The following EXTL3 variants were observed in gnomAD, a reference collection of about 807,000 sequenced individuals.
EXTL3 encodes the protein exostosin like glycosyltransferase 3.
A neutral mutation model predicts 69.3 loss-of-function variants in EXTL3; 27 were observed. The ratio of observed to expected loss-of-function variants is 0.39; its 90% CI spans 0.29 to 0.54. The LOEUF (loss-of-function observed/expected upper bound fraction) is 0.54. Among genes scored for constraint, EXTL3 ranks in the 20% least tolerant of loss-of-function variants. EXTL3 has a pLI of 0.69. For synonymous variants in EXTL3, 511 were observed against 499.4 expected, an observed-to-expected ratio of 1.02 and a Z score of -0.31; for missense variants, 1,003 against 1,231.8, an observed-to-expected ratio of 0.81 and a Z score of 2.78.
chr8:28,695,961 AG>A (rs1800679006), intron 1 of EXTL3, among the ~76,000 whole-genome samples: 1 of 152,146 alleles, frequency 6.6e-6, no homozygotes, highest in Admixed American at 6.6e-5. Context: ...TTTGTCACTC[AG>A]GCTGGAGTGC....
chr8:28,654,958 A>G (rs2130610014), intron 1 of EXTL3, among the ~76,000 whole-genome samples: 1 of 152,328 alleles, frequency 6.6e-6, no homozygotes, highest in South Asian at 2.1e-4. Context: ...ATGGTGGCAG[A>G]CCTTTGTTTG....
chr8:28,711,940 A>C (rs1801038475), intron 1 of EXTL3, among the ~76,000 whole-genome samples: 1 of 152,208 alleles, frequency 6.6e-6, no homozygotes, highest in Non-Finnish European at 1.5e-5. Context: ...GAGTGTTTAC[A>C]GTGTGCTGGA....
chr8:28,727,629 G>A (rs1174109329), intron 3 of EXTL3, among the ~76,000 whole-genome samples: 1 of 152,194 alleles, frequency 6.6e-6, no homozygotes, highest in Non-Finnish European at 1.5e-5. Flanking sequence ...TGCAAACAGT[G>A]TGGTGCTATG....
At chr8:28,610,935 G>A (rs1026628204) in intron 2 of EXTL3, among the ~76,000 whole-genome samples, 1 of 152,008 alleles carries the variant, frequency 6.6e-6, no homozygotes, top group African/African-American at 2.4e-5. Flanking sequence ...TAAAGATGGG[G>A]TTTCACCATG....
At position 28,718,525 on chromosome 8, in the gene EXTL3, T is replaced by C. The variant is rs116498613; in HGVS notation, c.2148+318T>C. On this transcript the variant is annotated intron_variant, in intron 3 of 6. Coordinates refer to ENST00000220562, the MANE Select transcript of EXTL3 (RefSeq NM_001440.4). The stretch of plus-strand genomic sequence containing the variant: ...CATAACAAGATGATGATGATAATGA[T>C]AAGCTACCATTTAGGAAGCACTTAG... Among the ~76,000 whole-genome samples, 900 of 152,334 alleles carry C rather than the reference T, an allele frequency of 5.9e-3. 12 individuals are homozygous for C. Among genetic ancestry groups the C allele is most frequent in the African/African-American group, 0.02 (836 of 41,580 alleles).
intron 1 of EXTL3, among the ~76,000 whole-genome samples, chr8:28,668,400 C>T (rs372999028): frequency 1.8e-4 from 24 of 131,190 alleles, no homozygotes; most frequent in East Asian, 1.2e-3. Flanking sequence ...GGTGCAATCT[C>T]GGCTCACTGC....
Position 28,623,016 on chromosome 8 carries a change from G to C in EXTL3, c.-53+206G>C, listed in dbSNP as rs1806438586. ...GCCGGACGTGGGGCGCCTGCTCTGG[G>C]CGTCTGGGGCGGGCGATTGCAAGCT... On this transcript the variant is annotated intron_variant, in intron 1 of 6. Transcript: ENST00000523149. The surrounding 1 kb of genome is among the most constrained non-coding windows in gnomAD (Gnocchi z 4.2). 6.6e-6 allele frequency among the ~76,000 whole-genome samples: 1 copy of C among 152,188 alleles called. No homozygotes were observed. The highest frequency in any genetic ancestry group is 1.5e-5 in the Non-Finnish European group (1 of 67,974).
intron 1 of EXTL3, among the ~76,000 whole-genome samples, chr8:28,656,591 A>G (rs1176813643): frequency 6.6e-6 from 1 of 152,156 alleles, no homozygotes; most frequent in Admixed American, 6.5e-5. Flanking sequence ...GCTGTTCCCA[A>G]CCTTGGGATT....
At chr8:28,673,437 G>A (rs890999028) in intron 1 of EXTL3, among the ~76,000 whole-genome samples, 1 of 152,206 alleles carries the variant, frequency 6.6e-6, no homozygotes, top group Admixed American at 6.5e-5. Context: ...GGCAGAGGAA[G>A]AAGGAGTTTG....
chr8:28,636,085 C>T (rs1289849097), intron 1 of EXTL3, among the ~76,000 whole-genome samples: 1 of 151,970 alleles, frequency 6.6e-6, no homozygotes, highest in African/African-American at 2.4e-5. Context: ...AATCCTCACA[C>T]TTTGGGAGGC....
At chr8:28,631,561 T>G (rs1563429874) in intron 1 of EXTL3, 1 of 152,206 alleles carries the variant, frequency 6.6e-6, no homozygotes, top group Non-Finnish European at 1.5e-5. Flanking sequence ...GTAAGTCCTG[T>G]GCTAATCCTG....
At chr8:28,691,529 G>C (rs1800611917) in intron 1 of EXTL3, among the ~76,000 whole-genome samples, 1 of 150,132 alleles carries the variant, frequency 6.7e-6, no homozygotes, top group African/African-American at 2.5e-5. Context: ...CTCATGAGCT[G>C]GAAGGAAGCC....
chr8:28,622,841 G>A (rs1335327946), intron 1 of EXTL3: 1 of 152,224 alleles, frequency 6.6e-6, no homozygotes, highest in Non-Finnish European at 1.5e-5. Context: ...TCCCTTTCGG[G>A]GGTGGGAAGT....
chr8:28,613,492 T>C (rs1806295986), intron 2 of EXTL3, among the ~76,000 whole-genome samples: 1 of 152,158 alleles, frequency 6.6e-6, no homozygotes, highest in African/African-American at 2.4e-5. Flanking sequence ...CTATGCTATC[T>C]TTTATAGAAT....
chr8:28,647,979 C>CG (rs1264849722), intron 1 of EXTL3, among the ~76,000 whole-genome samples: 3 of 150,378 alleles, frequency 2.0e-5, no homozygotes, highest in African/African-American at 7.4e-5. Context: ...GGGTGGGAGA[C>CG]GATCAGTGGA....
chr8:28,682,503 T>A (rs1684727863), intron 1 of EXTL3, among the ~76,000 whole-genome samples: 1 of 152,130 alleles, frequency 6.6e-6, no homozygotes, highest in South Asian at 2.1e-4. Flanking sequence ...AGTGCAATTG[T>A]GCGATCTCGG....
Position 28,641,066 on chromosome 8 carries a change from C to T in EXTL3, c.-53+18256C>T, listed in dbSNP as rs375528621. ...GGAAAATCACTCCCAGGTCTGTAGA[C>T]GCCTGTGTATCCTCTAAGGTTCTGT... On this transcript the variant is annotated intron_variant, in intron 1 of 6. Coordinates refer to the EXTL3 transcript ENST00000523149. 3.9e-5 allele frequency among the ~76,000 whole-genome samples: 6 copies of T among 152,248 alleles called. 1 individual carries two copies. Among genetic ancestry groups the T allele is most frequent in the East Asian group, 1.9e-4 (1 of 5,182 alleles).
At chr8:28,723,675 G>C (rs1425471669) in intron 3 of EXTL3, among the ~76,000 whole-genome samples, 1 of 134,104 alleles carries the variant, frequency 7.5e-6, no homozygotes, top group East Asian at 2.3e-4. Flanking sequence ...AGAGTCTCAC[G>C]CTGTTGCCCA....
intron 1 of EXTL3, among the ~76,000 whole-genome samples, chr8:28,694,031 ATTGATCTAGAAGGC>A (rs1357981430): frequency 6.6e-6 from 1 of 152,112 alleles, no homozygotes; most frequent in Non-Finnish European, 1.5e-5. Flanking sequence ...CTTGTTTGGG[ATTGATCTAGAAGGC>A]TTGCTGAGTG....
Sources: allele counts gnomAD v4.1 joint callset (sites outside exome capture counted in the v4.1 genomes callset), GRCh38; gene constraint gnomAD v4.1.1; non-coding constraint Gnocchi (gnomAD v3.1); transcripts MANE v1.5; gene names NCBI Gene and HGNC (gene_info 2026-07-23, HGNC 2026-07-21).